TINAG: variants seen among roughly 807,000 people sequenced by gnomAD.
TINAG encodes the protein tubulointerstitial nephritis antigen.
In TINAG, 83 loss-of-function variants were observed where a neutral mutation model predicts 72.7. That is an observed-to-expected ratio of 1.14 (90% CI 0.96 to 1.37). The LOEUF (loss-of-function observed/expected upper bound fraction) is 1.37. TINAG is among the 40% of genes most tolerant of loss of function. The probability of loss-of-function intolerance (pLI) is 0.00; values close to 1 mark genes in which losing one functional copy is unlikely to be tolerated. For missense variants in TINAG, 685 were observed against 576.6 expected, an observed-to-expected ratio of 1.19 and a Z score of -1.93; for synonymous variants, 234 against 189.9, an observed-to-expected ratio of 1.23 and a Z score of -1.91.
intron 3 of TINAG, among the ~76,000 whole-genome samples, chr6:54,324,105 G>A (rs898744826): frequency 1.3e-5 from 2 of 152,302 alleles, no homozygotes; most frequent in African/African-American, 4.8e-5. Flanking sequence ...CAGCAAGTTA[G>A]TGGAATAAAG....
At chr6:54,371,986 T>G (rs573928173) in intron 9 of TINAG, among the ~76,000 whole-genome samples, 10 of 111,268 alleles carry the variant, frequency 9.0e-5, no homozygotes, top group African/African-American at 4.1e-4. Context: ...GTCATGTTTT[T>G]TTTTTTTTTT....
chr6:54,332,801 G>A (rs1254405370), intron 4 of TINAG, among the ~76,000 whole-genome samples: 1 of 152,156 alleles, frequency 6.6e-6, no homozygotes, highest in Non-Finnish European at 1.5e-5. Context: ...CAAAAAGTGG[G>A]CAAAGGACAT....
intron 4 of TINAG, among the ~76,000 whole-genome samples, chr6:54,332,556 G>A (rs554422310): frequency 9.9e-5 from 15 of 152,154 alleles, no homozygotes; most frequent in Middle Eastern, 3.4e-3. Context: ...ACATAGGCAC[G>A]GGCAAAGACT....
intron 4 of TINAG, among the ~76,000 whole-genome samples, chr6:54,335,731 G>A (rs1186205418): frequency 6.6e-6 from 1 of 152,118 alleles, no homozygotes; most frequent in Non-Finnish European, 1.5e-5. Flanking sequence ...CAACTACAGT[G>A]ACAACGAATT....
chr6:54,310,771 C>G (rs1784231787), intron 1 of TINAG, among the ~76,000 whole-genome samples: 1 of 133,930 alleles, frequency 7.5e-6, no homozygotes, highest in Non-Finnish European at 1.6e-5. Context: ...CTCTCTCTTT[C>G]TCTCCCTTTC....
intron 8 of TINAG, 26 bp downstream of exon 8, chr6:54,351,423 T>A: frequency 6.2e-7 from 1 of 1,601,102 alleles, no homozygotes; most frequent in Non-Finnish European, 8.5e-7. Flanking sequence ...ATACGGTTTT[T>A]TCTTACTCAT....
intron 9 of TINAG, among the ~76,000 whole-genome samples, chr6:54,377,762 T>C (rs1763824005): frequency 6.6e-6 from 1 of 152,042 alleles, no homozygotes; most frequent in Non-Finnish European, 1.5e-5. Context: ...GTTGGTATAA[T>C]AGCAAGTAAA....
intron 9 of TINAG, among the ~76,000 whole-genome samples, chr6:54,359,277 T>A (rs923979157): frequency 6.6e-6 from 1 of 151,832 alleles, no homozygotes; most frequent in African/African-American, 2.4e-5. Flanking sequence ...AAAGTCTAAT[T>A]CCTTCTAAAC....
intron 9 of TINAG, among the ~76,000 whole-genome samples, 172 bp from the exon 10 acceptor site, chr6:54,380,354 A>G (rs967652937): frequency 6.6e-6 from 1 of 152,182 alleles, no homozygotes; most frequent in Non-Finnish European, 1.5e-5. Flanking sequence ...ATGGTAAAGA[A>G]GAAAACTATA....
At chr6:54,383,018 A>C (rs1347541026) in intron 10 of TINAG, among the ~76,000 whole-genome samples, 6 of 152,132 alleles carry the variant, frequency 3.9e-5, no homozygotes, top group African/African-American at 1.4e-4. Flanking sequence ...TAAATACCAA[A>C]GGATATAATG....
chr6:54,337,246 A>ATT (rs34286210), intron 4 of TINAG, among the ~76,000 whole-genome samples: 398 of 93,990 alleles, frequency 4.2e-3, no homozygotes, highest in Non-Finnish European at 5.3e-3. Flanking sequence ...TGGGATTTGA[A>ATT]TTTTTTTTTT....
At chr6:54,360,944 T>A (rs1237249324) in intron 9 of TINAG, among the ~76,000 whole-genome samples, 1 of 148,088 alleles carries the variant, frequency 6.8e-6, no homozygotes, top group Admixed American at 6.8e-5. Context: ...AGCATGTGCT[T>A]GCTTGAGTCT....
At chr6:54,360,071 A>G (rs1763176744) in intron 9 of TINAG, among the ~76,000 whole-genome samples, 1 of 151,816 alleles carries the variant, frequency 6.6e-6, no homozygotes, top group Non-Finnish European at 1.5e-5. Context: ...GGATTGATTT[A>G]TAGTCCTCCT....
At position 54,326,846 on chromosome 6, in the gene TINAG, A is replaced by G. The variant is rs1169433170; in HGVS notation, c.554A>G (p.Glu185Gly). 8.7e-6 allele frequency: 14 copies of G among 1,612,826 alleles called. No individual in the cohort carries two copies. The South Asian group carries it at 1.4e-4, about 17-fold the overall frequency. The stretch of plus-strand genomic sequence containing the variant: ...AGCCAATTTTGGGGAATGACTTTAG[A>G]AGATGGTTTTAAATTTCGCCTTGGC... ...NYSQFWGMTLEDGFKFRLGTL... is the reference protein window; with the variant it reads ...NYSQFWGMTLGDGFKFRLGTL... The change falls in exon 4 of 11, where the codon GAA becomes GGA. Residue 185 changes from glutamate to glycine, a missense_variant. Transcript: ENST00000259782.
intron 4 of TINAG, among the ~76,000 whole-genome samples, chr6:54,341,512 A>G (rs1250425330): frequency 6.6e-6 from 1 of 152,182 alleles, no homozygotes; most frequent in African/African-American, 2.4e-5. Context: ...TCAGGATACA[A>G]TAACTTTCTT....
chr6:54,308,054 G>C, upstream of TINAG: 1 of 1,549,850 alleles, frequency 6.5e-7, no homozygotes, highest in South Asian at 1.2e-5. Context: ...ACAGATCCTA[G>C]CAGGCAACCT....
chr6:54,323,959 A>C (rs1784549083), intron 3 of TINAG, among the ~76,000 whole-genome samples: 1 of 152,180 alleles, frequency 6.6e-6, no homozygotes, highest in South Asian at 2.1e-4. Flanking sequence ...GTCTCAAACA[A>C]AACAAAAAAA....
chr6:54,308,533 A>C lies in TINAG; in HGVS notation c.-18A>C. On this transcript the variant is annotated 5_prime_UTR_variant, in exon 1 of 11. Transcript: ENST00000259782. Reference sequence around the variant, plus strand: ...TTGGATATAACGGAAAGTGGAAGCTATACCTGACTTCCAGAGAATGTGGAC... The same window carrying C: ...TTGGATATAACGGAAAGTGGAAGCTCTACCTGACTTCCAGAGAATGTGGAC... 6.3e-7 allele frequency: 1 copy of C among 1,593,500 alleles called. No individual in the cohort carries two copies. The highest frequency in any genetic ancestry group is 8.5e-7 in the Non-Finnish European group (1 of 1,169,834).
intron 9 of TINAG, 111 bp from the exon 10 acceptor site, chr6:54,380,414 TG>T: frequency 1.3e-6 from 1 of 799,472 alleles, no homozygotes; most frequent in Non-Finnish European, 2.0e-6. Context: ...TGAAACAGGA[TG>T]GGACAGAGAG....
Sources: gnomAD v4.1 joint callset for allele counts (sites outside exome capture counted in the v4.1 genomes callset) on GRCh38, gnomAD v4.1.1 for gene constraint, MANE v1.5 for transcripts, NCBI Gene and HGNC (gene_info 2026-07-23, HGNC 2026-07-21) for gene names.